TRIM71: variants seen among roughly 807,000 people sequenced by gnomAD.
The protein encoded by TRIM71 is tripartite motif containing 71.
TRIM71 carries 9 observed loss-of-function variants against 61.2 expected under a neutral mutation model. The ratio of observed to expected loss-of-function variants is 0.15; its 90% confidence interval spans 0.09 to 0.26. The LOEUF is 0.26. TRIM71 is among the 10% of genes least tolerant of loss of function. The probability of loss-of-function intolerance (pLI) is 1.00; values close to 1 mark genes in which losing one functional copy is unlikely to be tolerated. For synonymous variants in TRIM71, 645 were observed against 553.2 expected, an observed-to-expected ratio of 1.17 and a Z score of -2.33; for missense variants, 998 against 1,238.7, an observed-to-expected ratio of 0.81 and a Z score of 2.92.
At chr3:32,869,656 A>G (rs1696775229) in intron 1 of TRIM71, among the ~76,000 whole-genome samples, 1 of 152,088 alleles carries the variant, frequency 6.6e-6, no homozygotes, top group East Asian at 1.9e-4. Flanking sequence ...ATTTTCCTTT[A>G]ACCTCCCTCC....
chr3:32,847,253 A>G (rs1389135068), intron 1 of TRIM71, among the ~76,000 whole-genome samples: 2 of 146,678 alleles, frequency 1.4e-5, no homozygotes, highest in African/African-American at 2.5e-5. Context: ...CTGGAGTGCA[A>G]TGGCGCAATC....
chr3:32,832,206 C>T (rs980096716), intron 1 of TRIM71, among the ~76,000 whole-genome samples: 3 of 152,144 alleles, frequency 2.0e-5, no homozygotes, highest in Admixed American at 2.0e-4. Context: ...GTGGTTCATG[C>T]CTGTAATCCC....
In TRIM71 at chr3:32,818,719, C is replaced by A. The variant is rs1442499457; in HGVS notation, c.639C>A (p.Leu213=). 2 of 1,594,216 alleles carry A rather than the reference C, an allele frequency of 1.3e-6. No individual in the cohort carries two copies. Among genetic ancestry groups the A allele is most frequent in the Admixed American group, 3.4e-5 (2 of 58,910 alleles). ...DEGNAASSRC[L]DCQEHLCDNC... is the part of the protein sequence containing the mutation. Reference sequence around the variant, plus strand: ...GCAACGCAGCTTCTTCGCGCTGCCTCGACTGCCAGGAGCACCTGTGCGACA... The same window carrying A: ...GCAACGCAGCTTCTTCGCGCTGCCTAGACTGCCAGGAGCACCTGTGCGACA... Residue 213 remains leucine, a synonymous_variant, in exon 1 of 4, where the codon CTC becomes CTA. Transcript: ENST00000383763.
intron 1 of TRIM71, among the ~76,000 whole-genome samples, chr3:32,821,963 G>A (rs1696139965): frequency 6.6e-6 from 1 of 152,124 alleles, no homozygotes; most frequent in Admixed American, 6.5e-5. Context: ...AGTTTTGGGG[G>A]AAGAGTTTCA....
intron 1 of TRIM71, among the ~76,000 whole-genome samples, chr3:32,860,518 C>T (rs1696655524): frequency 9.1e-6 from 1 of 110,320 alleles, no homozygotes; most frequent in Admixed American, 1.0e-4. Flanking sequence ...TGCCTCATTT[C>T]AGTTGCCCTA....
At chr3:32,841,999 G>A (rs866278654) in intron 1 of TRIM71, among the ~76,000 whole-genome samples, 1 of 152,058 alleles carries the variant, frequency 6.6e-6, no homozygotes, top group East Asian at 1.9e-4. Flanking sequence ...AACTCCACTC[G>A]CTTCTGAGCA....
At position 32,897,394 on chromosome 3, in the gene TRIM71, A is replaced by G. The variant is rs1187280963; in HGVS notation, c.*5583A>G. The G allele has an allele frequency of 2.0e-5, 3 of 152,136 alleles. No homozygotes were observed. Among genetic ancestry groups the G allele is most frequent in the Admixed American group, 1.3e-4 (2 of 15,274 alleles). The allele number at this position is 152,136 out of a possible 1,614,324, so 9.4% of individuals were successfully genotyped here. A position where few individuals can be genotyped will look rare whatever the true frequency, so the allele number is the denominator to read the frequency against. Reference sequence around the variant, plus strand: ...GGTGGGGTGCTGACTGCCATTTGCCACTTTTAAATGGGCACTGCCGTGGTA... The same window carrying G: ...GGTGGGGTGCTGACTGCCATTTGCCGCTTTTAAATGGGCACTGCCGTGGTA... On this transcript the variant is annotated 3_prime_UTR_variant, in exon 4 of 4. Transcript: ENST00000383763.
At chr3:32,830,635 T>C (rs1215736835) in intron 1 of TRIM71, among the ~76,000 whole-genome samples, 2 of 152,168 alleles carry the variant, frequency 1.3e-5, no homozygotes, top group Non-Finnish European at 2.9e-5. Flanking sequence ...TCTGTCGATA[T>C]CAGTGGATTT....
chr3:32,826,477 T>G (rs1047796238), intron 1 of TRIM71, among the ~76,000 whole-genome samples: 2 of 151,962 alleles, frequency 1.3e-5, no homozygotes, highest in Non-Finnish European at 2.9e-5. Context: ...TTAGAGATAC[T>G]CATATTAGAC....
chr3:32,887,121 A>G (rs1424694119), intron 3 of TRIM71, among the ~76,000 whole-genome samples: 3 of 152,082 alleles, frequency 2.0e-5, no homozygotes, highest in Non-Finnish European at 2.9e-5. Flanking sequence ...ATTTCTTGCA[A>G]CCTGAGAGCT....
chr3:32,885,839 C>G, intron 2 of TRIM71, 95 bp from the exon 3 acceptor site: 4 of 1,502,906 alleles, frequency 2.7e-6, no homozygotes, highest in Non-Finnish European at 3.6e-6. Flanking sequence ...CCCAGGGTGT[C>G]AGCTTTTCAA....
In TRIM71 at chr3:32,892,423, AT is replaced by A. The variant is rs1697037400; in HGVS notation, c.*615del. 1 of 152,244 alleles carries A rather than the reference AT, an allele frequency of 6.6e-6. No individual in the cohort carries two copies. Among genetic ancestry groups the A allele is most frequent in the Non-Finnish European group, 1.5e-5 (1 of 68,136 alleles). The allele number at this position is 152,244 out of a possible 1,614,324, so 9.4% of individuals were successfully genotyped here. ...TCTTTTTAAATGCTGCAACAGAGAA[AT>A]TTCCTCTGTTCTCTGTTTATACCTC... On this transcript the variant is annotated 3_prime_UTR_variant, in exon 4 of 4. Transcript: ENST00000383763.
At chr3:32,858,955 ATC>A (rs1421187881) in intron 1 of TRIM71, among the ~76,000 whole-genome samples, 1 of 152,094 alleles carries the variant, frequency 6.6e-6, no homozygotes, top group Non-Finnish European at 1.5e-5. Context: ...GGCTTTTCCC[ATC>A]TTTGTGAAGT....
Position 32,883,590 on chromosome 3 carries a change from A to G in TRIM71, c.1021-2344A>G, listed in dbSNP as rs147504641. Among the ~76,000 whole-genome samples, 893 of 152,358 alleles carry G rather than the reference A, an allele frequency of 5.9e-3. 6 individuals are homozygous for G. The highest frequency in any genetic ancestry group is 7.5e-3 in the South Asian group (36 of 4,826). ...GATTTAAGATTCAACTTAATCTACT[A>G]TAACCTCATCTTAGCTAATTATATC... On this transcript the variant is annotated intron_variant, in intron 2 of 3. Transcript: ENST00000383763.
At position 32,892,517 on chromosome 3, in the gene TRIM71, A is replaced by C. The variant is rs1370080145; in HGVS notation, c.*706A>C. On this transcript the variant is annotated 3_prime_UTR_variant, in exon 4 of 4. Transcript: ENST00000383763. Reference sequence around the variant, plus strand: ...ACGTTGTGGCTGTGGCTTGCTAGCCAAGAAAAGCAGACCCTTCATATTTTA... The same window carrying C: ...ACGTTGTGGCTGTGGCTTGCTAGCCCAGAAAAGCAGACCCTTCATATTTTA... 1 of 152,192 alleles carries C rather than the reference A, an allele frequency of 6.6e-6. No individual in the cohort carries two copies. Among genetic ancestry groups the C allele is most frequent in the Non-Finnish European group, 1.5e-5 (1 of 68,042 alleles). The allele number at this position is 152,192 out of a possible 1,614,324, so 9.4% of individuals were successfully genotyped here.
Position 32,885,919 on chromosome 3 carries a change from T to C in TRIM71, c.1021-15T>C, listed in dbSNP as rs1696956645. On this transcript the variant is annotated splice_polypyrimidine_tract_variant and intron_variant, in intron 2 of 3. Transcript: ENST00000383763. ...CCTTCTAATGCCTCGAAGTTGTTTC[T>C]TTTTGGTTTTCCAGCTGAGCATCGA... The C allele has an allele frequency of 6.2e-7, 1 of 1,607,960 alleles. No individual in the cohort carries two copies.
At chr3:32,832,038 C>A (rs1696278533) in intron 1 of TRIM71, among the ~76,000 whole-genome samples, 1 of 152,040 alleles carries the variant, frequency 6.6e-6, no homozygotes, top group Non-Finnish European at 1.5e-5. Context: ...CTGTTCCTTG[C>A]TTTAGTCTTG....
intron 2 of TRIM71, among the ~76,000 whole-genome samples, chr3:32,877,569 G>A (rs182180438): frequency 1.2e-4 from 18 of 152,102 alleles, no homozygotes; most frequent in African/African-American, 3.6e-4. Context: ...TGTCTAGGCT[G>A]ATCTCACTCA....
intron 1 of TRIM71, among the ~76,000 whole-genome samples, chr3:32,829,017 G>A (rs989008440): frequency 1.0e-4 from 15 of 148,790 alleles, no homozygotes; most frequent in African/African-American, 3.2e-4. Context: ...TTTTTGACAC[G>A]GACTTTCCCT....
Sources: allele counts gnomAD v4.1 joint callset (sites outside exome capture counted in the v4.1 genomes callset), GRCh38; gene constraint gnomAD v4.1.1; transcripts MANE v1.5; gene names NCBI Gene and HGNC (gene_info 2026-07-23, HGNC 2026-07-21).